The following CPXM2 variants were observed in gnomAD, a reference collection of about 807,000 sequenced individuals.
CPXM2 encodes carboxypeptidase X, M14 family member 2.
In CPXM2, 66 loss-of-function variants were observed where a neutral mutation model predicts 86.1. That is an observed-to-expected ratio of 0.77 (90% CI 0.63 to 0.94). The LOEUF is 0.94. Among genes scored for constraint, CPXM2 ranks in the 40% least tolerant of loss-of-function variants. CPXM2 has a pLI of 0.00. For missense variants in CPXM2, 948 were observed against 1,026.3 expected, an observed-to-expected ratio of 0.92 and a Z score of 1.04; for synonymous variants, 388 against 400.2, an observed-to-expected ratio of 0.97 and a Z score of 0.36.
chr10:123,770,491 A>C (rs1217469349), intron 8 of CPXM2, among the ~76,000 whole-genome samples: 4 of 152,226 alleles, frequency 2.6e-5, no homozygotes, highest in Non-Finnish European at 5.9e-5. Context: ...CTGAATGGGA[A>C]ATGTCTGAAA....
chr10:123,859,578 G>A (rs1848810309), intron 3 of CPXM2, among the ~76,000 whole-genome samples: 1 of 152,250 alleles, frequency 6.6e-6, no homozygotes, highest in South Asian at 2.1e-4. Context: ...CAGAGCCAGA[G>A]GCTGGGGATG....
At chr10:123,873,533 G>A (rs371118677) in intron 2 of CPXM2, among the ~76,000 whole-genome samples, 12 of 152,152 alleles carry the variant, frequency 7.9e-5, no homozygotes, top group East Asian at 1.9e-4. Context: ...AAATGTGTGC[G>A]TGTGTGTTTA....
chr10:123,781,892 C>G (rs999838370), intron 6 of CPXM2, among the ~76,000 whole-genome samples: 5 of 152,186 alleles, frequency 3.3e-5, no homozygotes, highest in Non-Finnish European at 7.4e-5. Flanking sequence ...GTGCCATACC[C>G]GAACTGATCG....
At chr10:123,858,722 A>G (rs1017021646) in intron 3 of CPXM2, among the ~76,000 whole-genome samples, 1 of 151,890 alleles carries the variant, frequency 6.6e-6, no homozygotes, top group African/African-American at 2.4e-5. Flanking sequence ...GCTGATTCCC[A>G]CTCTCCCTCT....
intron 2 of CPXM2, among the ~76,000 whole-genome samples, chr10:123,864,317 C>A (rs148341958): frequency 6.6e-6 from 1 of 151,566 alleles, no homozygotes; most frequent in Non-Finnish European, 1.5e-5. Context: ...TTCTGTCAGG[C>A]GATTCCTGGT....
chr10:123,877,203 A>C (rs1945002702), intron 2 of CPXM2, among the ~76,000 whole-genome samples: 1 of 152,262 alleles, frequency 6.6e-6, no homozygotes, highest in Non-Finnish European at 1.5e-5. Flanking sequence ...AACATGGCAT[A>C]AGGTAATTTC....
At chr10:123,818,167 T>G (rs1422211990) in intron 4 of CPXM2, among the ~76,000 whole-genome samples, 3 of 152,152 alleles carry the variant, frequency 2.0e-5, no homozygotes, top group Admixed American at 1.3e-4. Flanking sequence ...AGAGGAGGAT[T>G]TTAATAATCA....
chr10:123,885,118 G>A lies in CPXM2; in HGVS notation c.305-4809C>T, dbSNP rs533887765. Among the ~76,000 whole-genome samples the A allele has an allele frequency of 5.9e-5, 9 of 152,176 alleles. No individual in the cohort carries two copies. Among genetic ancestry groups the A allele is most frequent in the Non-Finnish European group, 1.2e-4 (8 of 68,026 alleles). On this transcript the variant is annotated intron_variant, in intron 1 of 13. Transcript: ENST00000241305. The surrounding 1 kb of genome is among the most constrained non-coding windows in gnomAD (Gnocchi z 4.0). ...TGCTGTATGTGGGAGGAGATTTCAA[G>A]TAGCACAGGTGAAAAGTTGAAGGGG...
chr10:123,759,976 G>A (rs928282970), intron 11 of CPXM2, among the ~76,000 whole-genome samples: 1 of 152,196 alleles, frequency 6.6e-6, no homozygotes, highest in African/African-American at 2.4e-5. Context: ...GAGAGGAGAG[G>A]GAGGGGGAGG....
chr10:123,882,861 G>T (rs974117310), intron 1 of CPXM2, among the ~76,000 whole-genome samples: 1 of 141,680 alleles, frequency 7.1e-6, no homozygotes, highest in East Asian at 2.1e-4. Context: ...AGCCCAGCCA[G>T]GCCCCACACT....
intron 2 of CPXM2, 66 bp downstream of exon 2, chr10:123,880,145 T>TTGGCCCCCCCCC: frequency 4.9e-6 from 2 of 407,580 alleles, no homozygotes; most frequent in East Asian, 4.9e-5. Context: ...CAGGGGCCTG[T>TTGGCCCCCCCCC]ACCCACCCAC....
intron 2 of CPXM2, among the ~76,000 whole-genome samples, chr10:123,903,143 C>T (rs1945399864): frequency 6.6e-6 from 1 of 152,200 alleles, no homozygotes; most frequent in Admixed American, 6.5e-5. Flanking sequence ...ATGTGGCTTT[C>T]CCAGCCCTCA....
chr10:123,798,115 T>A lies in CPXM2; in HGVS notation c.750A>T (p.Gly250=). 6.2e-7 allele frequency: 1 copy of A among 1,604,684 alleles called. No individual in the cohort carries two copies. Among genetic ancestry groups the A allele is most frequent in the Non-Finnish European group, 8.5e-7 (1 of 1,175,868 alleles). The change falls in exon 6 of 14, where the codon GGA becomes GGT. Residue 250 remains glycine, a synonymous_variant. Transcript: ENST00000241305. Reference sequence around the variant, plus strand: ...GAACAGGGATCTCCTTCTCACTGTTTCCCTCAAATATCTATTTATGCTCAT... The same window carrying A: ...GAACAGGGATCTCCTTCTCACTGTTACCCTCAAATATCTATTTATGCTCAT... The part of the protein sequence containing the change: ...KNGSGDMIFE[G]NSEKEIPVLN...
At chr10:123,773,150 GCTCCCTGGTTGTGGTTATTGC>G (rs1057176630) in intron 7 of CPXM2, among the ~76,000 whole-genome samples, 4 of 145,632 alleles carry the variant, frequency 2.7e-5, no homozygotes, top group Non-Finnish European at 4.5e-5. Flanking sequence ...GTGGTTATCA[GCTCCCTGGTTGTGGTTATTGC>G]CTCCCTGGTT....
chr10:123,802,852 T>A (rs1847489791), intron 4 of CPXM2, among the ~76,000 whole-genome samples: 1 of 152,224 alleles, frequency 6.6e-6, no homozygotes, highest in Non-Finnish European at 1.5e-5. Context: ...CCATTCTTGA[T>A]GGATGTATCC....
chr10:123,915,743 T>C (rs1349944179), intron 2 of CPXM2, among the ~76,000 whole-genome samples: 1 of 152,094 alleles, frequency 6.6e-6, no homozygotes, highest in Admixed American at 6.6e-5. Context: ...AGTTGGTCAA[T>C]AGTGCGCATT....
intron 2 of CPXM2, 66 bp downstream of exon 2, chr10:123,880,145 T>TTGGGGGCCC: frequency 9.8e-6 from 4 of 407,580 alleles, no homozygotes; most frequent in East Asian, 4.9e-5. Flanking sequence ...CAGGGGCCTG[T>TTGGGGGCCC]ACCCACCCAC....
chr10:123,798,213 C>A, intron 5 of CPXM2, 87 bp from the exon 6 acceptor site: 21 of 1,011,836 alleles, frequency 2.1e-5, no homozygotes, highest in Middle Eastern at 2.3e-4. Context: ...TTCAACAAGA[C>A]TTTATTGAGG....
At chr10:123,900,435 A>G (rs1229396846) in intron 2 of CPXM2, among the ~76,000 whole-genome samples, 1 of 152,254 alleles carries the variant, frequency 6.6e-6, no homozygotes, top group African/African-American at 2.4e-5. Context: ...ACAGAAGTGA[A>G]AACTCAAAAG....
Sources: allele counts gnomAD v4.1 joint callset (sites outside exome capture counted in the v4.1 genomes callset), GRCh38; gene constraint gnomAD v4.1.1; non-coding constraint Gnocchi (gnomAD v3.1); transcripts MANE v1.5; gene names NCBI Gene and HGNC (gene_info 2026-07-23, HGNC 2026-07-21).